Variants in SYTL5 observed in about 807,000 individuals in gnomAD.
SYTL5 encodes the protein synaptotagmin-like protein 5.
SYTL5 carries 34 observed loss-of-function variants against 55.9 expected under a neutral mutation model. The observed-to-expected ratio is 0.61, with a 90% CI of 0.46 to 0.81. The LOEUF is 0.81. Among genes scored for constraint, SYTL5 ranks in the 30% least tolerant of loss-of-function variants. SYTL5 has a pLI of 0.00. For missense variants in SYTL5, 637 were observed against 546.7 expected (o/e 1.17, Z -1.65); for synonymous variants, 221 against 188.7 (o/e 1.17, Z -1.40).
chrX:37,978,529 G>A, the SYTL5 span, among the ~76,000 whole-genome samples: 1 of 111,821 alleles, frequency 8.9e-6, no homozygotes, highest in Non-Finnish European at 1.9e-5. Flanking sequence ...TACAAATAAA[G>A]CCCCTCTGTG....
At chrX:38,000,843 C>T in the SYTL5 span, among the ~76,000 whole-genome samples, 1 of 111,528 alleles carries the variant, frequency 9.0e-6, no homozygotes, top group South Asian at 3.8e-4. Context: ...GCTCAGTGGC[C>T]GGGCTCTTCT....
the SYTL5 span, among the ~76,000 whole-genome samples, chrX:37,921,362 T>A: frequency 2.8e-4 from 31 of 111,039 alleles, no homozygotes; most frequent in Middle Eastern, 4.6e-3. Context: ...GGTCAGAAAG[T>A]TTAAGTAAAC....
At chrX:37,908,850 T>C in the SYTL5 span, among the ~76,000 whole-genome samples, 1 of 111,002 alleles carries the variant, frequency 9.0e-6, no homozygotes, top group Admixed American at 9.6e-5. Flanking sequence ...GTGTTGAGTT[T>C]GGGAGCTTCA....
chrX:37,900,979 G>C, the SYTL5 span, among the ~76,000 whole-genome samples: 369 of 112,018 alleles, frequency 3.3e-3, 1 homozygote, highest in African/African-American at 0.011. Context: ...TTTGAAAGAA[G>C]AGAATTACAG....
Position 38,089,567 on chromosome X carries a change from G to A in SYTL5, c.811G>A (p.Val271Met), listed in dbSNP as rs749261615. The A allele has an allele frequency of 8.3e-6, 10 of 1,208,345 alleles. No individual in the cohort carries two copies. The highest frequency in any genetic ancestry group is 3.4e-6 in the Non-Finnish European group (3 of 894,597). The change falls in exon 7 of 17, where the codon GTG becomes ATG. Residue 271 changes from valine (V) to methionine (M), a missense_variant. Transcript: ENST00000297875. ...QSSPAPSTRTVTSVISREYGF... is the reference protein window; with the variant it reads ...QSSPAPSTRTMTSVISREYGF... ...TTCACCAGCCCCAAGCACACGAACT[G>A]TGACCTCAGTCATCAGTAGAGTAAG...
chrX:38,040,575 C>T (rs1332821034), intron 2 of SYTL5, among the ~76,000 whole-genome samples: 2 of 109,407 alleles, frequency 1.8e-5, no homozygotes, highest in Non-Finnish European at 3.8e-5. Flanking sequence ...TGAGAACATG[C>T]GAAGTTTGTC....
intron 15 of SYTL5, among the ~76,000 whole-genome samples, chrX:38,122,422 A>G (rs1271122919): frequency 8.9e-6 from 1 of 112,190 alleles, no homozygotes; most frequent in Non-Finnish European, 1.9e-5. Flanking sequence ...TGTTTCCAAC[A>G]TATTTCAGGA....
At chrX:38,038,620 A>G (rs1308855332) in intron 2 of SYTL5, among the ~76,000 whole-genome samples, 1 of 112,176 alleles carries the variant, frequency 8.9e-6, no homozygotes, top group Non-Finnish European at 1.9e-5. Flanking sequence ...TTTCACAGAA[A>G]AGGTGAACGT....
At chrX:38,077,304 C>G (rs1244542237) in intron 6 of SYTL5, among the ~76,000 whole-genome samples, 1 of 111,284 alleles carries the variant, frequency 9.0e-6, no homozygotes, top group Non-Finnish European at 1.9e-5. Context: ...GGAGCATAGT[C>G]AAGACTTATT....
intron 3 of SYTL5, among the ~76,000 whole-genome samples, chrX:38,059,207 T>C (rs1336637584): frequency 8.9e-6 from 1 of 112,062 alleles, no homozygotes; most frequent in African/African-American, 3.2e-5. Context: ...GAAGTAATTA[T>C]TTGGAATTAT....
intron 13 of SYTL5, among the ~76,000 whole-genome samples, chrX:38,117,169 G>C (rs958867625): frequency 3.6e-5 from 4 of 111,840 alleles, no homozygotes; most frequent in Non-Finnish European, 7.5e-5. Context: ...GGAATTTCCT[G>C]GCAAAATATA....
chrX:37,930,611 A>G, the SYTL5 span, among the ~76,000 whole-genome samples: 1 of 112,078 alleles, frequency 8.9e-6, no homozygotes, highest in Non-Finnish European at 1.9e-5. Flanking sequence ...CATCAGGGGA[A>G]GTACATTTTT....
intron 4 of SYTL5, among the ~76,000 whole-genome samples, chrX:38,072,366 T>C (rs1936289439): frequency 8.9e-6 from 1 of 112,119 alleles, no homozygotes; most frequent in Non-Finnish European, 1.9e-5. Context: ...CACAATGATT[T>C]TCCATATATC....
the SYTL5 span, among the ~76,000 whole-genome samples, chrX:37,937,655 T>C: frequency 8.9e-6 from 1 of 112,055 alleles, no homozygotes; most frequent in Non-Finnish European, 1.9e-5. Flanking sequence ...AGGTACTAAA[T>C]GAGTGTTCTT....
the SYTL5 span, among the ~76,000 whole-genome samples, chrX:37,968,288 G>T: frequency 1.4e-4 from 16 of 111,210 alleles, no homozygotes; most frequent in African/African-American, 5.2e-4. Flanking sequence ...TAGGTAAAAG[G>T]GGTTACAGCT....
chrX:37,899,965 G>A, the SYTL5 span, among the ~76,000 whole-genome samples: 1 of 112,033 alleles, frequency 8.9e-6, no homozygotes, highest in African/African-American at 3.2e-5. Flanking sequence ...TGCAAATATA[G>A]GTAAATATGT....
At chrX:37,944,457 T>C in the SYTL5 span, among the ~76,000 whole-genome samples, 5 of 111,674 alleles carry the variant, frequency 4.5e-5, no homozygotes, top group Middle Eastern at 4.2e-3. Flanking sequence ...CAGAAATCAC[T>C]TAAACCTCTA....
At position 38,089,313 on chromosome X, in the gene SYTL5, G is replaced by C; in HGVS notation, c.690-133G>C. On this transcript the variant is annotated intron_variant, in intron 6 of 16. Transcript: ENST00000297875. ...AAGGTAACATGATAGTTTCTAAGCA[G>C]TTCCAGTGTGACTCTTGTGAACTCA... The C allele has an allele frequency of 5.6e-6, 4 of 715,838 alleles. No individual in the cohort carries two copies. In the East Asian group the frequency reaches 1.5e-4, roughly 26 times the overall value. 59.0% of individuals were successfully genotyped at this position (715,838 alleles called of 1,213,427 possible).
chrX:38,013,068 G>A (rs963269460), intron 1 of SYTL5, among the ~76,000 whole-genome samples: 15 of 112,189 alleles, frequency 1.3e-4, no homozygotes, highest in African/African-American at 4.9e-4. Context: ...TATAGATTGG[G>A]ATGTCCTGTT....
Sources: allele counts gnomAD v4.1 joint callset (sites outside exome capture counted in the v4.1 genomes callset), GRCh38; gene constraint gnomAD v4.1.1; transcripts MANE v1.5; gene names NCBI Gene and HGNC (gene_info 2026-07-23, HGNC 2026-07-21).